TMOD2: variants seen among roughly 807,000 people sequenced by gnomAD.
The protein encoded by TMOD2 is tropomodulin-2.
A neutral mutation model predicts 39.9 loss-of-function variants in TMOD2; 22 were observed. The observed-to-expected ratio is 0.55, with a 90% CI of 0.39 to 0.79. TMOD2 has a LOEUF of 0.79. Among genes scored for constraint, TMOD2 ranks in the 30% least tolerant of loss-of-function variants. The pLI is 0.00. For synonymous variants in TMOD2, 123 were observed against 146.1 expected, an observed-to-expected ratio of 0.84 and a Z score of 1.14; for missense variants, 386 against 413.3, an observed-to-expected ratio of 0.93 and a Z score of 0.57.
intron 1 of TMOD2, among the ~76,000 whole-genome samples, chr15:51,760,821 AAATCCTT>A (rs1182607375): frequency 6.6e-6 from 1 of 151,914 alleles, no homozygotes; most frequent in Non-Finnish European, 1.5e-5. Context: ...AAAGAAAAAA[AAATCCTT>A]AATCCTTAAT....
chr15:51,793,364 A>G (rs183704000), intron 7 of TMOD2, among the ~76,000 whole-genome samples: 1 of 152,290 alleles, frequency 6.6e-6, no homozygotes, highest in East Asian at 1.9e-4. Flanking sequence ...GGTATTTTGC[A>G]TTCTTTTTTT....
chr15:51,807,893 G>C (rs1279271423), intron 9 of TMOD2, among the ~76,000 whole-genome samples: 1 of 152,172 alleles, frequency 6.6e-6, no homozygotes, highest in Non-Finnish European at 1.5e-5. Context: ...TAAACATCAG[G>C]TTAAAAGAAC....
chr15:51,795,569 GCTTGCTTGCTTT>G (rs753231479), intron 7 of TMOD2, among the ~76,000 whole-genome samples: 7,475 of 42,344 alleles, frequency 0.18, 484 homozygotes, highest in Non-Finnish European at 0.22. Context: ...TCTTCTGCTT[GCTTGCTTGCTTT>G]CTTTCTTTCT....
At position 51,782,648 on chromosome 15, in the gene TMOD2, G is replaced by A. The variant is rs146264539; in HGVS notation, c.625-73G>A. 6.8e-4 allele frequency: 790 copies of A among 1,164,724 alleles called. 5 individuals are homozygous for A. The African/African-American group carries it at 0.01, about 15-fold the overall frequency. 72.1% of individuals were successfully genotyped at this position (1,164,724 alleles called of 1,614,324 possible). ...ATCTACACATACCTGGTATTTAAAG[G>A]TTGTGGGTTCTTACCTTGGCAAGAG... is the stretch of plus-strand genomic sequence containing the variant. On this transcript the variant is annotated intron_variant, in intron 6 of 9. Transcript: ENST00000249700.
intron 2 of TMOD2, 44 bp from the exon 3 acceptor site, chr15:51,768,218 G>A: frequency 6.2e-7 from 1 of 1,612,252 alleles, no homozygotes; most frequent in Non-Finnish European, 8.5e-7. Flanking sequence ...CAAAGTACAG[G>A]CCGGCAGACA....
At position 51,808,423 on chromosome 15, in the gene TMOD2, G is replaced by A. The variant is rs763904794; in HGVS notation, c.1025G>A (p.Arg342His). 1.4e-5 allele frequency: 22 copies of A among 1,610,930 alleles called. No individual in the cohort carries two copies. The Admixed American group carries it at 1.5e-4, about 11-fold the overall frequency. ...AAITKNNDLV[R>H]KKRVEADRR ...TGTTCCTTTCTTTCTTACCTAGTTC[G>A]TAAGAAGAGAGTTGAAGCAGACCGA... The change falls in exon 10 of 10, where the codon CGT becomes CAT. Residue 342 changes from arginine to histidine, a missense_variant. Arg to His is a conservative substitution (Grantham distance 29). Transcript: ENST00000249700.
intron 3 of TMOD2, among the ~76,000 whole-genome samples, chr15:51,770,308 C>CT (rs1213067751): frequency 9.2e-5 from 14 of 152,346 alleles, no homozygotes; most frequent in Admixed American, 2.6e-4. Flanking sequence ...GGGCCTCGGG[C>CT]TTTCTCTGAC....
At chr15:51,785,166 A>G (rs1595871855) in intron 7 of TMOD2, among the ~76,000 whole-genome samples, 1 of 150,548 alleles carries the variant, frequency 6.6e-6, no homozygotes, top group Admixed American at 6.6e-5. Context: ...TAATCCCAGC[A>G]CTTTGGGAGG....
chr15:51,756,702 C>T (rs2055744246), intron 1 of TMOD2, among the ~76,000 whole-genome samples: 1 of 152,202 alleles, frequency 6.6e-6, no homozygotes, highest in Non-Finnish European at 1.5e-5. Context: ...GAAATACGAG[C>T]TCTGCATTCT....
At chr15:51,804,458 C>CA (rs779823306) in intron 8 of TMOD2, among the ~76,000 whole-genome samples, 11 of 152,080 alleles carry the variant, frequency 7.2e-5, no homozygotes, top group Non-Finnish European at 1.5e-4. Flanking sequence ...TACTGCATGC[C>CA]AATCTGGCTT....
chr15:51,766,052 C>T (rs546699753), intron 1 of TMOD2, among the ~76,000 whole-genome samples: 3 of 152,308 alleles, frequency 2.0e-5, no homozygotes, highest in South Asian at 4.1e-4. Flanking sequence ...AATCAGAAGG[C>T]GGGGCTCACG....
At chr15:51,805,186 C>T (rs1034451902) in intron 8 of TMOD2, among the ~76,000 whole-genome samples, 4 of 151,786 alleles carry the variant, frequency 2.6e-5, no homozygotes, top group Non-Finnish European at 5.9e-5. Context: ...TCTCAAACTC[C>T]TGACCTCAAG....
In TMOD2 at chr15:51,774,124, C is replaced by T. The variant is rs181640922; in HGVS notation, c.406+290C>T. Among the ~76,000 whole-genome samples, 40 of 152,270 alleles carry T rather than the reference C, an allele frequency of 2.6e-4. 1 individual carries two copies. In the East Asian group the frequency reaches 7.7e-3, roughly 29 times the overall value. The stretch of plus-strand genomic sequence containing the variant: ...GTTGAGAATTTAGAGAATAAAACAA[C>T]AGCTCTTTTGCTTTCTAAGGAGCTT... On this transcript the variant is annotated intron_variant, in intron 4 of 9. Transcript: ENST00000249700.
chr15:51,793,131 A>G (rs2056024178), intron 7 of TMOD2, among the ~76,000 whole-genome samples: 1 of 152,186 alleles, frequency 6.6e-6, no homozygotes, highest in African/African-American at 2.4e-5. Context: ...TAGTAAATAG[A>G]TGCTCCTTGA....
At chr15:51,767,861 C>G (rs1886185155) in intron 2 of TMOD2, among the ~76,000 whole-genome samples, 1 of 152,212 alleles carries the variant, frequency 6.6e-6, no homozygotes, top group Non-Finnish European at 1.5e-5. Context: ...ATCAGCTTTA[C>G]TGCTTCTGCA....
chr15:51,777,764 C>T (rs1012250622), intron 5 of TMOD2, among the ~76,000 whole-genome samples: 2 of 152,062 alleles, frequency 1.3e-5, no homozygotes, highest in Admixed American at 6.6e-5. Context: ...ACTGGCAAAC[C>T]GAATCCAGCA....
At chr15:51,770,574 C>T (rs2055846761) in intron 3 of TMOD2, among the ~76,000 whole-genome samples, 1 of 152,250 alleles carries the variant, frequency 6.6e-6, no homozygotes, top group South Asian at 2.1e-4. Context: ...TGCCTTGTCT[C>T]ACATAATGCC....
rs2009972 is a variant in TMOD2, at chr15:51,814,104, G to A, written c.*5650G>A. 65,182 of 151,924 alleles carry A rather than the reference G, an allele frequency of 0.43. 14,251 individuals carry two copies. The highest frequency in any genetic ancestry group is 0.53 in the Admixed American group (8,039 of 15,270). The allele number at this position is 151,924 out of a possible 1,614,324, so 9.4% of individuals were successfully genotyped here. On this transcript the variant is annotated 3_prime_UTR_variant, in exon 10 of 10. Coordinates refer to ENST00000249700, the MANE Select transcript of TMOD2 (RefSeq NM_014548.4). The stretch of plus-strand genomic sequence containing the variant: ...TTGACAGTACCTTGGGAAATTGTCA[G>A]TCCTTGCAGAGGGCCTAGGCTGGGC...
Position 51,805,040 on chromosome 15 carries a change from C to A in TMOD2, c.877-1337C>A, listed in dbSNP as rs993054220. Among the ~76,000 whole-genome samples, 3 of 152,050 alleles carry A rather than the reference C, an allele frequency of 2.0e-5. No individual in the cohort carries two copies. In the South Asian group the frequency reaches 6.2e-4, roughly 31 times the overall value. ...GTGGCGCGATCTTGGCCCACTGCAA[C>A]CTCCGCCTCCTAGATTCTAGTGATT... On this transcript the variant is annotated intron_variant, in intron 8 of 9. Coordinates refer to ENST00000249700, the MANE Select transcript of TMOD2 (RefSeq NM_014548.4).
Sources: gnomAD v4.1 joint callset for allele counts (sites outside exome capture counted in the v4.1 genomes callset) on GRCh38, gnomAD v4.1.1 for gene constraint, MANE v1.5 for transcripts, NCBI Gene and HGNC (gene_info 2026-07-23, HGNC 2026-07-21) for gene names.